The following EFR3B variants were observed in gnomAD, a reference collection of about 807,000 sequenced individuals.
The protein encoded by EFR3B is EFR3 homolog B.
A neutral mutation model predicts 104.7 loss-of-function variants in EFR3B; 64 were observed. The ratio of observed to expected loss-of-function variants is 0.61; its 90% CI spans 0.50 to 0.75. EFR3B has a LOEUF of 0.75. EFR3B is among the 30% of genes least tolerant of loss of function. The pLI is 0.00. For missense variants in EFR3B, 750 were observed against 1,078.5 expected, an observed-to-expected ratio of 0.70 and a Z score of 4.27; for synonymous variants, 385 against 417.9, an observed-to-expected ratio of 0.92 and a Z score of 0.96.
intron 1 of EFR3B, among the ~76,000 whole-genome samples, chr2:25,089,196 C>T (rs1669044568): frequency 6.6e-6 from 1 of 152,164 alleles, no homozygotes; most frequent in South Asian, 2.1e-4. Flanking sequence ...CTGTCCCGGC[C>T]TGATGTCTCA....
At chr2:25,057,575 A>T (rs1376403667) in intron 1 of EFR3B, among the ~76,000 whole-genome samples, 1 of 152,176 alleles carries the variant, frequency 6.6e-6, no homozygotes, top group Non-Finnish European at 1.5e-5. Context: ...TGAGGTCGGG[A>T]GTTCGAGACC....
Position 25,099,870 on chromosome 2 carries a change from T to TA in EFR3B, c.213-3750dup, listed in dbSNP as rs59603684. 4.6e-3 allele frequency among the ~76,000 whole-genome samples: 646 copies of TA among 138,992 alleles called. 5 individuals are homozygous for TA. Among genetic ancestry groups the TA allele is most frequent in the African/African-American group, 0.014 (538 of 37,504 alleles). The allele number at this position is 138,992 out of a possible 152,430, so 91.2% of individuals were successfully genotyped here. ...GCTTTCTGTTCACCCAAACTTTGTTTAAAAAAAAAAAAAAAAAGATGAAGA... is the reference window on the plus strand; with the variant it reads ...GCTTTCTGTTCACCCAAACTTTGTTTAAAAAAAAAAAAAAAAAAGATGAAGA... On this transcript the variant is annotated intron_variant, in intron 3 of 22. Coordinates refer to ENST00000403714, the MANE Select transcript of EFR3B (RefSeq NM_014971.2).
chr2:25,073,089 A>C (rs1057200642), intron 1 of EFR3B, among the ~76,000 whole-genome samples: 1 of 152,386 alleles, frequency 6.6e-6, no homozygotes. Flanking sequence ...TGAAGCATAC[A>C]TTCACAACGA....
chr2:25,080,735 G>A (rs572023211), intron 1 of EFR3B: 3 of 1,253,998 alleles, frequency 2.4e-6, no homozygotes, highest in Non-Finnish European at 3.4e-6. Flanking sequence ...GTTCAGTCCT[G>A]TAGATCAAAG....
rs1217750028 is a variant in EFR3B at position 25,156,526 on chromosome 2, A to C, written c.*2186A>C. 1 of 151,592 alleles carries C rather than the reference A, an allele frequency of 6.6e-6. No homozygotes were observed. Among genetic ancestry groups the C allele is most frequent in the Non-Finnish European group, 1.5e-5 (1 of 67,950 alleles). 9.4% of individuals were successfully genotyped at this position (151,592 alleles called of 1,614,324 possible). On this transcript the variant is annotated 3_prime_UTR_variant, in exon 23 of 23. Coordinates refer to ENST00000403714, the MANE Select transcript of EFR3B (RefSeq NM_014971.2). ...TGGCCAGGCTGGTCTGGAACTCCTG[A>C]TCTCAAGTGATCCGCCCGCCTCAGC...
chr2:25,141,808 T>TC (rs938147678), intron 17 of EFR3B, among the ~76,000 whole-genome samples: 1 of 152,144 alleles, frequency 6.6e-6, no homozygotes, highest in Admixed American at 6.5e-5. Flanking sequence ...TCAGAGGAAC[T>TC]CAAGGGAAAG....
At chr2:25,044,688 C>T (rs1419212852) in intron 1 of EFR3B, among the ~76,000 whole-genome samples, 1 of 152,102 alleles carries the variant, frequency 6.6e-6, no homozygotes, top group African/African-American at 2.4e-5. Flanking sequence ...CCTATGGAGC[C>T]GAAAGTCACC....
chr2:25,083,995 C>A (rs561301720), intron 1 of EFR3B, among the ~76,000 whole-genome samples: 59 of 152,286 alleles, frequency 3.9e-4, no homozygotes, highest in Admixed American at 3.8e-3. Flanking sequence ...TGTAACCTAT[C>A]CCTGCCCTGG....
In EFR3B at chr2:25,131,912, G is replaced by A; in HGVS notation, c.1147+1G>A. ...CAGGAGGCCGTCATCAAGACCGTGG[G>A]TGCGGCGCGGGGCCGGGCCGGGGCG... On this transcript the variant is annotated splice_donor_variant, in intron 10 of 22. Coordinates refer to ENST00000403714, the MANE Select transcript of EFR3B (RefSeq NM_014971.2). LOFTEE classifies it high-confidence loss of function. This position sits in a 1 kb window ranked among gnomAD's most constrained non-coding sequence, Gnocchi z 7.6. 6.6e-7 allele frequency: 1 copy of A among 1,513,264 alleles called. No homozygotes were observed. Among genetic ancestry groups the A allele is most frequent in the Non-Finnish European group, 8.8e-7 (1 of 1,130,052 alleles). 93.7% of individuals were successfully genotyped at this position (1,513,264 alleles called of 1,614,324 possible).
intron 3 of EFR3B, among the ~76,000 whole-genome samples, chr2:25,101,309 G>T (rs1669425123): frequency 6.6e-6 from 1 of 152,048 alleles, no homozygotes; most frequent in East Asian, 1.9e-4. Flanking sequence ...ATCAACAGAT[G>T]CTGATGTTGT....
Position 25,053,627 on chromosome 2 carries a change from A to G in EFR3B, c.7+11308A>G, listed in dbSNP as rs566601737. On this transcript the variant is annotated intron_variant, in intron 1 of 22. Coordinates refer to ENST00000403714, the MANE Select transcript of EFR3B (RefSeq NM_014971.2). Reference sequence around the variant, plus strand: ...GTGAATTAAAACTCGTTCCCTGGCCAGGCGCGGTGGCTCACGCCTGCAATC... The same window carrying G: ...GTGAATTAAAACTCGTTCCCTGGCCGGGCGCGGTGGCTCACGCCTGCAATC... Among the ~76,000 whole-genome samples, 134 of 152,302 alleles carry G rather than the reference A, an allele frequency of 8.8e-4. 1 individual carries two copies. The highest frequency in any genetic ancestry group is 3.1e-3 in the African/African-American group (129 of 41,576).
Position 25,046,506 on chromosome 2 carries a change from C to CTTTTTTTT in EFR3B, c.7+4196_7+4203dup, listed in dbSNP as rs531667109. Among the ~76,000 whole-genome samples the CTTTTTTTT allele has an allele frequency of 1.4e-3, 162 of 119,098 alleles. 10 individuals carry two copies. Among genetic ancestry groups the CTTTTTTTT allele is most frequent in the Non-Finnish European group, 2.6e-3 (140 of 54,216 alleles). 78.1% of individuals were successfully genotyped at this position (119,098 alleles called of 152,430 possible). On this transcript the variant is annotated intron_variant, in intron 1 of 22. Coordinates refer to ENST00000403714, the MANE Select transcript of EFR3B (RefSeq NM_014971.2). ...GCAGGCTCCCCCTGAAGTACAAAGT[C>CTTTTTTTT]TTTTTTTTTTTTTTTTGAGACGGAG...
chr2:25,141,784 G>A (rs1670673828), intron 17 of EFR3B, among the ~76,000 whole-genome samples: 1 of 152,222 alleles, frequency 6.6e-6, no homozygotes, highest in South Asian at 2.1e-4. Flanking sequence ...CTGTGGGCCA[G>A]TGTCATTTCA....
At chr2:25,140,475 G>A (rs1670632650) in intron 16 of EFR3B, among the ~76,000 whole-genome samples, 2 of 152,128 alleles carry the variant, frequency 1.3e-5, no homozygotes, top group South Asian at 2.1e-4. Context: ...GCTGATAAGG[G>A]AGTATAAGAA....
intron 1 of EFR3B, among the ~76,000 whole-genome samples, chr2:25,072,132 C>T (rs912767596): frequency 3.3e-5 from 5 of 152,308 alleles, no homozygotes; most frequent in Admixed American, 2.0e-4. Context: ...GTGGGGTCCC[C>T]GCTTTCGTCA....
intron 19 of EFR3B, among the ~76,000 whole-genome samples, chr2:25,148,947 A>G (rs1029551211): frequency 7.5e-6 from 1 of 133,072 alleles, no homozygotes; most frequent in African/African-American, 2.8e-5. Context: ...AAAAAAAAAA[A>G]GACTTCAGAA....
chr2:25,146,698 A>G (rs966840860), intron 19 of EFR3B: 7 of 152,200 alleles, frequency 4.6e-5, no homozygotes, highest in Non-Finnish European at 8.8e-5. Context: ...TCCTCCCTTC[A>G]AGAGTCAGCT....
chr2:25,130,544 C>T lies in EFR3B; in HGVS notation c.771-8C>T. On this transcript the variant is annotated splice_region_variant and splice_polypyrimidine_tract_variant and intron_variant, in intron 7 of 22. Coordinates refer to ENST00000403714, the MANE Select transcript of EFR3B (RefSeq NM_014971.2). The surrounding 1 kb of genome is among the most constrained non-coding windows in gnomAD (Gnocchi z 4.6). ...CATAGTTGTTCCCCCACGTTTTCTC[C>T]CTCACAGCCATCTGGATAACCATTC... is the stretch of plus-strand genomic sequence containing the variant. 1 of 1,551,422 alleles carries T rather than the reference C, an allele frequency of 6.4e-7. No homozygotes were observed. Among genetic ancestry groups the T allele is most frequent in the Non-Finnish European group, 8.7e-7 (1 of 1,146,694 alleles).
chr2:25,131,690 G>C lies in EFR3B; in HGVS notation c.986-60G>C. On this transcript the variant is annotated intron_variant, in intron 9 of 22. Transcript: ENST00000403714. The surrounding 1 kb of genome is among the most constrained non-coding windows in gnomAD (Gnocchi z 7.6). ...CGTGACCCTGCCCTGCCTGCGCGCG[G>C]TGCACAGAGGAGGAGGGTGCCAGCC... 1 of 1,480,906 alleles carries C rather than the reference G, an allele frequency of 6.8e-7. No individual in the cohort carries two copies. The highest frequency in any genetic ancestry group is 9.0e-7 in the Non-Finnish European group (1 of 1,110,372). 91.7% of individuals were successfully genotyped at this position (1,480,906 alleles called of 1,614,324 possible).
Sources: gnomAD v4.1 joint callset for allele counts (sites outside exome capture counted in the v4.1 genomes callset) on GRCh38, gnomAD v4.1.1 for gene constraint, Gnocchi (gnomAD v3.1) non-coding constraint, MANE v1.5 for transcripts, NCBI Gene and HGNC (gene_info 2026-07-23, HGNC 2026-07-21) for gene names.